FAM193A: variants seen among roughly 807,000 people sequenced by gnomAD.
FAM193A encodes the protein protein FAM193A.
A neutral mutation model predicts 126.5 loss-of-function variants in FAM193A; 22 were observed. The ratio of observed to expected loss-of-function variants is 0.17; its 90% CI spans 0.12 to 0.25. FAM193A has a LOEUF of 0.25. Among genes scored for constraint, FAM193A ranks in the 10% least tolerant of loss-of-function variants. The probability of loss-of-function intolerance (pLI) is 1.00; values close to 1 mark genes in which losing one functional copy is unlikely to be tolerated. For missense variants in FAM193A, 1,675 were observed against 1,672.8 expected, an observed-to-expected ratio of 1.00 and a Z score of -0.02; for synonymous variants, 761 against 646.8, an observed-to-expected ratio of 1.18 and a Z score of -2.68.
At chr4:2,630,226 T>A (rs1430966160) in intron 4 of FAM193A, among the ~76,000 whole-genome samples, 1 of 146,900 alleles carries the variant, frequency 6.8e-6, no homozygotes, top group Non-Finnish European at 1.5e-5. Context: ...AAATGCTCAT[T>A]GCATTTGTGG....
chr4:2,682,527 G>A (rs1248948347), intron 13 of FAM193A, among the ~76,000 whole-genome samples: 2 of 152,108 alleles, frequency 1.3e-5, no homozygotes, highest in Non-Finnish European at 2.9e-5. Flanking sequence ...CACATTTAAA[G>A]TGATTTTTTG....
At chr4:2,553,784 G>T (rs1269260915) in intron 1 of FAM193A, among the ~76,000 whole-genome samples, 1 of 152,108 alleles carries the variant, frequency 6.6e-6, no homozygotes, top group Non-Finnish European at 1.5e-5. Context: ...CCTGGTGGCA[G>T]GTAATTGAAT....
intron 13 of FAM193A, among the ~76,000 whole-genome samples, chr4:2,674,020 A>G (rs1329186869): frequency 6.6e-6 from 1 of 152,232 alleles, no homozygotes; most frequent in Non-Finnish European, 1.5e-5. Context: ...AAAAGCAAAT[A>G]TGGAGTCAAG....
chr4:2,611,523 C>T (rs1480084371), intron 2 of FAM193A, among the ~76,000 whole-genome samples: 1 of 152,160 alleles, frequency 6.6e-6, no homozygotes, highest in Non-Finnish European at 1.5e-5. Context: ...ATCCACCCGC[C>T]TCAGCCTACC....
At chr4:2,591,066 A>G (rs1042494001) in intron 1 of FAM193A, among the ~76,000 whole-genome samples, 1 of 151,652 alleles carries the variant, frequency 6.6e-6, no homozygotes, top group Non-Finnish European at 1.5e-5. Flanking sequence ...CAGGAGTTGT[A>G]GTAATTAGCT....
chr4:2,646,722 A>G lies in FAM193A; in HGVS notation c.1201A>G (p.Thr401Ala), dbSNP rs142464183. Residue 401 changes from threonine (T) to alanine (A), a missense_variant, in exon 7 of 21, where the codon ACA becomes GCA. By Grantham distance (58) the Thr-to-Ala change is moderately conservative. Transcript: ENST00000637812. ...CACACACGACACCTGCAGTGAGGACACATACAGTACCTTGCTGCAGAGGTA... is the reference window on the plus strand; with the variant it reads ...CACACACGACACCTGCAGTGAGGACGCATACAGTACCTTGCTGCAGAGGTA... The part of the protein sequence containing the change: ...TTTHDTCSED[T>A]YSTLLQRYQR... The G allele has an allele frequency of 1.5e-4, 241 of 1,613,598 alleles. No homozygotes were observed. The highest frequency in any genetic ancestry group is 3.6e-4 in the East Asian group (16 of 44,868).
At chr4:2,666,739 A>G (rs1713165123) in intron 12 of FAM193A, among the ~76,000 whole-genome samples, 1 of 152,138 alleles carries the variant, frequency 6.6e-6, no homozygotes, top group South Asian at 2.1e-4. Flanking sequence ...AATTTCAATA[A>G]TTTTTGTCTT....
Position 2,612,116 on chromosome 4 carries a change from G to A in FAM193A, c.502-13146G>A, listed in dbSNP as rs974530820. On this transcript the variant is annotated intron_variant, in intron 2 of 20. Transcript: ENST00000637812. ...CTCCCAAAGTGCTGGGATTACAGGC[G>A]TGAGCCACCGCGCCCGGCTCCAATT... Among the ~76,000 whole-genome samples the A allele has an allele frequency of 3.9e-5, 6 of 151,936 alleles. No individual in the cohort carries two copies. In the East Asian group the frequency reaches 7.8e-4, roughly 20 times the overall value.
chr4:2,684,885 AG>A (rs949632725), intron 13 of FAM193A, among the ~76,000 whole-genome samples: 1 of 152,182 alleles, frequency 6.6e-6, no homozygotes, highest in Non-Finnish European at 1.5e-5. Context: ...GGCCCAGACC[AG>A]GGGGGAAGAA....
At chr4:2,613,899 C>G (rs1038009786) in intron 2 of FAM193A, among the ~76,000 whole-genome samples, 1 of 152,056 alleles carries the variant, frequency 6.6e-6, no homozygotes, top group Admixed American at 6.6e-5. Context: ...CTCAGCTTCC[C>G]GAGTAGCTGG....
intron 7 of FAM193A, among the ~76,000 whole-genome samples, 158 bp from the exon 8 acceptor site, chr4:2,657,645 G>A (rs931820318): frequency 2.0e-5 from 3 of 152,130 alleles, no homozygotes; most frequent in Non-Finnish European, 4.4e-5. Context: ...AGAAATACCT[G>A]TTAACATATT....
intron 1 of FAM193A, among the ~76,000 whole-genome samples, chr4:2,592,594 A>C (rs1740633317): frequency 1.3e-5 from 2 of 152,176 alleles, no homozygotes; most frequent in Non-Finnish European, 2.9e-5. Flanking sequence ...GGCAAGCTCC[A>C]GCCTTGCCCA....
intron 13 of FAM193A, among the ~76,000 whole-genome samples, chr4:2,682,706 A>G (rs141856060): frequency 0.012 from 1,891 of 152,272 alleles, 30 homozygotes; most frequent in African/African-American, 0.043. Flanking sequence ...GGAGTTTACA[A>G]TATACATTTT....
At chr4:2,666,382 C>A (rs1713118163) in intron 12 of FAM193A, among the ~76,000 whole-genome samples, 1 of 151,970 alleles carries the variant, frequency 6.6e-6, no homozygotes, top group Admixed American at 6.6e-5. Flanking sequence ...GGTATATAAT[C>A]CTTTTCATGT....
chr4:2,683,050 T>C (rs1173943574), intron 13 of FAM193A, among the ~76,000 whole-genome samples: 1 of 152,234 alleles, frequency 6.6e-6, no homozygotes, highest in African/African-American at 2.4e-5. Context: ...AGTTTTTGTT[T>C]GTCTGAGGAA....
chr4:2,640,962 C>G (rs1744560819), intron 6 of FAM193A, among the ~76,000 whole-genome samples: 1 of 151,470 alleles, frequency 6.6e-6, no homozygotes, highest in Admixed American at 6.6e-5. Flanking sequence ...GAGATGCTGT[C>G]TCGGGGGAAA....
chr4:2,608,285 C>T, intron 2 of FAM193A: 2 of 626,048 alleles, frequency 3.2e-6, no homozygotes, highest in South Asian at 4.2e-5. Flanking sequence ...TTCAAGCAAC[C>T]CTTCTGCCTC....
rs55958020 is a variant in FAM193A at position 2,699,444 on chromosome 4, C to A, written c.3508-236C>A. Among the ~76,000 whole-genome samples, 15 of 87,656 alleles carry A rather than the reference C, an allele frequency of 1.7e-4. 2 individuals are homozygous for A. The highest frequency in any genetic ancestry group is 2.6e-4 in the Non-Finnish European group (10 of 39,016). 57.5% of individuals were successfully genotyped at this position (87,656 alleles called of 152,430 possible). A position where few individuals can be genotyped will look rare whatever the true frequency, so the allele number is the denominator to read the frequency against. ...ATTTTTTGTTAACTACCACCCCCCC[C>A]CCCACACACACACACACAAATAAGT... On this transcript the variant is annotated intron_variant, in intron 18 of 20. Coordinates refer to ENST00000637812, the MANE Select transcript of FAM193A (RefSeq NM_001366318.2).
At position 2,659,604 on chromosome 4, in the gene FAM193A, C is replaced by T; in HGVS notation, c.1436C>T (p.Thr479Ile). Residue 479 changes from threonine (T) to isoleucine (I), a missense_variant, in exon 9 of 21, where the codon ACC becomes ATC. Physicochemically the swap from Thr to Ile is moderately conservative, Grantham distance 89. Coordinates refer to ENST00000637812, the MANE Select transcript of FAM193A (RefSeq NM_001366318.2). ...AVTGENNFTDTMRHMLSSRLS... is the reference protein window; with the variant it reads ...AVTGENNFTDIMRHMLSSRLS... ...ACTGGCGAGAACAACTTCACAGACA[C>T]CATGAGGCACATGTTATCGTCCCGG... 1.2e-6 allele frequency: 2 copies of T among 1,614,102 alleles called. No homozygotes were observed. The highest frequency in any genetic ancestry group is 1.7e-6 in the Non-Finnish European group (2 of 1,180,000).
Sources: allele counts gnomAD v4.1 joint callset (sites outside exome capture counted in the v4.1 genomes callset), GRCh38; gene constraint gnomAD v4.1.1; transcripts MANE v1.5; gene names NCBI Gene and HGNC (gene_info 2026-07-23, HGNC 2026-07-21).